SWI5: variants seen among roughly 807,000 people sequenced by gnomAD.
The protein encoded by SWI5 is DNA repair protein SWI5 homolog.
SWI5 carries 12 observed loss-of-function variants against 17.0 expected under a neutral mutation model. That is an observed-to-expected ratio of 0.71 (90% CI 0.45 to 1.14). The LOEUF (loss-of-function observed/expected upper bound fraction) is 1.14. SWI5 is among the 50% of genes most tolerant of loss of function. The probability of loss-of-function intolerance (pLI) is 0.00; values close to 1 mark genes in which losing one functional copy is unlikely to be tolerated. For synonymous variants in SWI5, 61 were observed against 64.0 expected (o/e 0.95, Z 0.22); for missense variants, 158 against 162.2 (o/e 0.97, Z 0.14).
At chr9:128,284,443 G>A (rs1430651623) in intron 2 of SWI5, 67 bp from the exon 3 acceptor site, 2 of 1,567,858 alleles carry the variant, frequency 1.3e-6, no homozygotes, top group Non-Finnish European at 1.7e-6. Context: ...GTGACTACTG[G>A]GGGACATGTA....
At chr9:128,287,669 C>T (rs1323636275) in intron 4 of SWI5, among the ~76,000 whole-genome samples, 1 of 145,752 alleles carries the variant, frequency 6.9e-6, no homozygotes, top group Non-Finnish European at 1.5e-5. Flanking sequence ...TCAAGTGATT[C>T]TAGTGCCTCA....
chr9:128,276,809 G>A, intron 2 of SWI5, 54 bp downstream of exon 2: 4 of 1,531,874 alleles, frequency 2.6e-6, no homozygotes, highest in Non-Finnish European at 2.7e-6. Context: ...TCCCTTGTGC[G>A]CTCCCGGCCC....
intron 1 of SWI5, 114 bp from the exon 2 acceptor site, chr9:128,276,593 C>A (rs1831388057): frequency 6.2e-7 from 1 of 1,606,858 alleles, no homozygotes; most frequent in Non-Finnish European, 8.5e-7. Context: ...CCAGATGGAT[C>A]CAGTCCCTGG....
intron 4 of SWI5, 35 bp from the exon 5 acceptor site, chr9:128,288,617 C>G (rs1831685585): frequency 6.2e-7 from 1 of 1,612,626 alleles, no homozygotes. Context: ...CCACCTCTCC[C>G]CACTGCACAT....
intron 4 of SWI5, 22 bp downstream of exon 4, chr9:128,286,055 G>A (rs1291492055): frequency 9.0e-6 from 14 of 1,563,576 alleles, no homozygotes; most frequent in Non-Finnish European, 1.2e-5. Flanking sequence ...GGACTCCAGA[G>A]CCACAAGCAG....
intron 2 of SWI5, chr9:128,278,593 C>T (rs527780021): frequency 5.9e-5 from 27 of 461,486 alleles, no homozygotes; most frequent in Admixed American, 2.0e-4. Flanking sequence ...CTCTATTGAG[C>T]ATTGTCCCAT....
intron 2 of SWI5, among the ~76,000 whole-genome samples, chr9:128,281,981 G>C: frequency 6.6e-6 from 1 of 152,240 alleles, no homozygotes; most frequent in East Asian, 1.9e-4. Flanking sequence ...CAGGAGGCTA[G>C]AGTGGGAGGA....
chr9:128,284,563 C>A (rs1258297031), exon 3 of SWI5: 1 of 1,613,966 alleles, frequency 6.2e-7, no homozygotes, highest in Admixed American at 1.7e-5. Flanking sequence ...AGTCTCTGCA[C>A]CTTGACATTC....
chr9:128,283,251 G>C (rs1029584485), intron 2 of SWI5, among the ~76,000 whole-genome samples: 1 of 152,216 alleles, frequency 6.6e-6, no homozygotes, highest in African/African-American at 2.4e-5. Flanking sequence ...GAACCTGGGA[G>C]GCAGAGGTTG....
chr9:128,277,323 G>A (rs531697995), intron 2 of SWI5, among the ~76,000 whole-genome samples: 5 of 152,156 alleles, frequency 3.3e-5, no homozygotes, highest in African/African-American at 4.8e-5. Flanking sequence ...AGGCTGAGGC[G>A]GGCAGATCAT....
upstream of SWI5, chr9:128,276,216 C>T: frequency 6.2e-7 from 1 of 1,609,378 alleles, no homozygotes; most frequent in Non-Finnish European, 8.5e-7. Flanking sequence ...TGTCCCCGCC[C>T]ACCTCGGGAG....
At chr9:128,287,633 C>G (rs1216705489) in intron 4 of SWI5, among the ~76,000 whole-genome samples, 1 of 145,212 alleles carries the variant, frequency 6.9e-6, no homozygotes, top group African/African-American at 2.6e-5. Flanking sequence ...GTGATCTCGG[C>G]TCCCTGCAAC....
At position 128,281,253 on chromosome 9, in the gene SWI5, G is replaced by A. The variant is rs900559368; in HGVS notation, c.112-3257G>A. Among the ~76,000 whole-genome samples the A allele has an allele frequency of 2.6e-5, 4 of 151,890 alleles. No individual in the cohort carries two copies. The East Asian group carries it at 7.8e-4, about 29-fold the overall frequency. ...GGGTTTCACTATGTTGGCCAGGCTG[G>A]TCTCGAACTACTGACCTCGTTATCT... On this transcript the variant is annotated intron_variant, in intron 2 of 4. Coordinates refer to ENST00000418976, the Ensembl canonical transcript of SWI5.
At chr9:128,276,205 C>A, upstream of SWI5, 8 of 1,606,132 alleles carry the variant, frequency 5.0e-6, no homozygotes, top group Non-Finnish European at 6.8e-6. Context: ...CACGCAACCG[C>A]TGTCCCCGCC....
upstream of SWI5, chr9:128,275,483 T>C: frequency 7.7e-7 from 1 of 1,302,278 alleles, no homozygotes; most frequent in South Asian, 2.7e-5. Context: ...AGGTCCGGTT[T>C]GGGGCGGCAG....
chr9:128,287,141 C>CAAAA (rs35520517), intron 4 of SWI5, among the ~76,000 whole-genome samples: 1 of 50,324 alleles, frequency 2.0e-5, no homozygotes, highest in Non-Finnish European at 3.9e-5. Context: ...AACTCCATCT[C>CAAAA]AAAAAAAAAA....
upstream of SWI5, chr9:128,276,017 C>T (rs1377035879): frequency 6.3e-7 from 1 of 1,593,354 alleles, no homozygotes; most frequent in African/African-American, 1.3e-5. Context: ...CAGTCAGCCA[C>T]CGCGCAGCTG....
upstream of SWI5, chr9:128,276,119 A>C (rs750970579): frequency 3.8e-6 from 6 of 1,567,890 alleles, no homozygotes; most frequent in South Asian, 6.9e-5. Context: ...GGTCAATGAG[A>C]AATATGAAGC....
At chr9:128,278,440 G>T (rs191020046) in intron 2 of SWI5, among the ~76,000 whole-genome samples, 69 of 152,074 alleles carry the variant, frequency 4.5e-4, no homozygotes, top group Middle Eastern at 3.4e-3. Context: ...AGTGGTACAT[G>T]CCTGTAATCC....
Sources: allele counts gnomAD v4.1 joint callset (sites outside exome capture counted in the v4.1 genomes callset), GRCh38; gene constraint gnomAD v4.1.1; transcripts MANE v1.5; gene names NCBI Gene and HGNC (gene_info 2026-07-23, HGNC 2026-07-21).